The following ADAM23 variants were observed in gnomAD, a reference collection of about 807,000 sequenced individuals.
The protein encoded by ADAM23 is disintegrin and metalloproteinase domain-containing protein 23.
In ADAM23, 33 loss-of-function variants were observed where a neutral mutation model predicts 120.1. That is an observed-to-expected ratio of 0.27 (90% CI 0.21 to 0.37). The LOEUF (loss-of-function observed/expected upper bound fraction) is 0.37, where lower values mean the gene tolerates loss of function less well. Ranked by LOEUF, ADAM23 falls within the 10% of genes least tolerant of loss-of-function variation. The pLI is 1.00. For synonymous variants in ADAM23, 367 were observed against 375.2 expected, an observed-to-expected ratio of 0.98 and a Z score of 0.25; for missense variants, 862 against 1,058.2, an observed-to-expected ratio of 0.81 and a Z score of 2.57.
chr2:206,567,436 A>G, intron 15 of ADAM23, 114 bp downstream of exon 15: 1 of 733,488 alleles, frequency 1.4e-6, no homozygotes, highest in Non-Finnish European at 2.1e-6. Context: ...TGTCAATCAG[A>G]TTAATATTTA....
chr2:206,564,947 G>T, intron 13 of ADAM23, 73 bp from the exon 14 acceptor site: 1 of 1,526,380 alleles, frequency 6.6e-7, no homozygotes. Context: ...TGTAGGAGTT[G>T]TAATACCAAA....
At chr2:206,586,892 A>G (rs993749975) in intron 18 of ADAM23, among the ~76,000 whole-genome samples, 2 of 152,204 alleles carry the variant, frequency 1.3e-5, no homozygotes, top group Non-Finnish European at 2.9e-5. Flanking sequence ...CTGTTTCACT[A>G]AAGTAGCCTA....
chr2:206,594,997 A>G (rs1217374986), intron 23 of ADAM23, 92 bp downstream of exon 23: 2 of 1,501,382 alleles, frequency 1.3e-6, no homozygotes, highest in South Asian at 1.3e-5. Context: ...CCTAGCCAAC[A>G]TGGTGAAACA....
At chr2:206,483,362 C>T (rs1193528765) in intron 3 of ADAM23, among the ~76,000 whole-genome samples, 4 of 152,002 alleles carry the variant, frequency 2.6e-5, no homozygotes, top group Non-Finnish European at 5.9e-5. Flanking sequence ...ATTTGAGGGG[C>T]TTTGGGACAT....
intron 3 of ADAM23, among the ~76,000 whole-genome samples, chr2:206,482,636 G>T (rs1042637962): frequency 2.0e-5 from 3 of 152,174 alleles, no homozygotes; most frequent in Non-Finnish European, 4.4e-5. Context: ...GTAACATTTA[G>T]CATGCAAAGG....
chr2:206,473,510 G>A (rs926355679), intron 2 of ADAM23, among the ~76,000 whole-genome samples: 2 of 151,746 alleles, frequency 1.3e-5, no homozygotes, highest in Non-Finnish European at 2.9e-5. Context: ...AAGATGGGAG[G>A]ATTGCTTGAG....
chr2:206,592,589 T>C, intron 21 of ADAM23, 28 bp from the exon 22 acceptor site: 1 of 1,608,330 alleles, frequency 6.2e-7, no homozygotes, highest in Non-Finnish European at 8.5e-7. Context: ...TCCTGTCTGG[T>C]CTGTTTGTTT....
At chr2:206,530,360 T>C (rs1032988213) in intron 3 of ADAM23, among the ~76,000 whole-genome samples, 4 of 152,242 alleles carry the variant, frequency 2.6e-5, no homozygotes, top group Admixed American at 2.0e-4. Context: ...AAACCCTTGC[T>C]GACCTTTGCT....
intron 6 of ADAM23, among the ~76,000 whole-genome samples, chr2:206,546,730 A>G (rs992863111): frequency 5.3e-5 from 8 of 152,156 alleles, no homozygotes; most frequent in African/African-American, 1.9e-4. Flanking sequence ...GAGCCTCAAT[A>G]TCTTTATTTG....
At chr2:206,461,099 G>A (rs1364530395) in intron 2 of ADAM23, among the ~76,000 whole-genome samples, 1 of 126,082 alleles carries the variant, frequency 7.9e-6, no homozygotes, top group Non-Finnish European at 1.6e-5. Context: ...GTCTCCCTCT[G>A]TTGCCCAGGC....
intron 3 of ADAM23, among the ~76,000 whole-genome samples, chr2:206,493,216 C>T (rs867425586): frequency 1.3e-5 from 2 of 152,160 alleles, no homozygotes; most frequent in African/African-American, 4.8e-5. Context: ...AAATTAGAAT[C>T]CCCAAATAAG....
At position 206,486,838 on chromosome 2, in the gene ADAM23, C is replaced by T. The variant is rs143354299; in HGVS notation, c.509+5530C>T. On this transcript the variant is annotated intron_variant, in intron 3 of 25. Transcript: ENST00000264377. ...TTATCACCACAATCTAATTCTAGAA[C>T]GTTTTCATCATCCCCAAGAAACCCT... Among the ~76,000 whole-genome samples, 615 of 152,244 alleles carry T rather than the reference C, an allele frequency of 4.0e-3. 2 individuals carry two copies. The highest frequency in any genetic ancestry group is 0.014 in the African/African-American group (580 of 41,546).
At chr2:206,509,144 CA>C (rs1376338016) in intron 3 of ADAM23, among the ~76,000 whole-genome samples, 1 of 152,146 alleles carries the variant, frequency 6.6e-6, no homozygotes, top group East Asian at 1.9e-4. Flanking sequence ...GCTGTTAAAT[CA>C]AAAGCAGTTT....
Position 206,573,145 on chromosome 2 carries a change from G to T in ADAM23, c.1687G>T (p.Ala563Ser). ...GCCACGAGGGTATGAATGCCGGGAT[G>T]CTGTGAACGAGTGTGATATTACTGA... ...FQPRGYECRDAVNECDITEYC... is the reference protein window; with the variant it reads ...FQPRGYECRDSVNECDITEYC... The change falls in exon 18 of 26, where the codon GCT (alanine) becomes TCT (serine). Residue 563 changes from alanine to serine, a missense_variant. Coordinates refer to ENST00000264377, the MANE Select transcript of ADAM23 (RefSeq NM_003812.4). 6.2e-7 allele frequency: 1 copy of T among 1,614,024 alleles called. No individual in the cohort carries two copies. The highest frequency in any genetic ancestry group is 8.5e-7 in the Non-Finnish European group (1 of 1,179,898).
chr2:206,515,309 C>G (rs964863208), intron 3 of ADAM23, among the ~76,000 whole-genome samples: 7 of 152,260 alleles, frequency 4.6e-5, no homozygotes, highest in African/African-American at 1.4e-4. Flanking sequence ...AAAGCAAGAT[C>G]TGTTTTTTAA....
chr2:206,510,846 T>C (rs1696608921), intron 3 of ADAM23, among the ~76,000 whole-genome samples: 1 of 152,228 alleles, frequency 6.6e-6, no homozygotes, highest in South Asian at 2.1e-4. Context: ...CATATGATTT[T>C]TCTTTATCAG....
intron 25 of ADAM23, among the ~76,000 whole-genome samples, chr2:206,617,036 T>TA (rs1020751234): frequency 4.6e-5 from 7 of 152,058 alleles, no homozygotes; most frequent in African/African-American, 1.4e-4. Flanking sequence ...TTTCTAGATA[T>TA]AAAAAATGCT....
At chr2:206,602,140 G>A (rs1006150454) in intron 24 of ADAM23, among the ~76,000 whole-genome samples, 30 of 152,142 alleles carry the variant, frequency 2.0e-4, no homozygotes, top group Non-Finnish European at 4.4e-5. Context: ...TTATGCTCAT[G>A]TATAATTATG....
chr2:206,462,631 T>C (rs1179910628), intron 2 of ADAM23, among the ~76,000 whole-genome samples: 4 of 152,144 alleles, frequency 2.6e-5, no homozygotes, highest in Admixed American at 1.3e-4. Flanking sequence ...AAAGTAAACT[T>C]GGAGACTCAG....
Sources: gnomAD v4.1 joint callset for allele counts (sites outside exome capture counted in the v4.1 genomes callset) on GRCh38, gnomAD v4.1.1 for gene constraint, MANE v1.5 for transcripts, NCBI Gene and HGNC (gene_info 2026-07-23, HGNC 2026-07-21) for gene names.